TENM2: variants seen among roughly 807,000 people sequenced by gnomAD.
The protein encoded by TENM2 is teneurin-2.
A neutral mutation model predicts 245.2 loss-of-function variants in TENM2; 52 were observed. The observed-to-expected ratio is 0.21, with a 90% CI of 0.17 to 0.27. The LOEUF (loss-of-function observed/expected upper bound fraction) is 0.27. TENM2 is among the 10% of genes least tolerant of loss of function. The probability of loss-of-function intolerance (pLI) is 1.00; values close to 1 mark genes in which losing one functional copy is unlikely to be tolerated. For missense variants in TENM2, 3,046 were observed against 3,666.8 expected (o/e 0.83, Z 4.37); for synonymous variants, 1,363 against 1,438.9 (o/e 0.95, Z 1.19).
At chr5:167,348,209 C>G (rs1758590782) in intron 1 of TENM2, among the ~76,000 whole-genome samples, 1 of 152,146 alleles carries the variant, frequency 6.6e-6, no homozygotes, top group Non-Finnish European at 1.5e-5. Flanking sequence ...CAATCCGAGG[C>G]CAAACTTAAT....
intron 4 of TENM2, among the ~76,000 whole-genome samples, chr5:167,959,081 A>G (rs970547035): frequency 3.3e-5 from 5 of 152,004 alleles, no homozygotes; most frequent in Admixed American, 1.3e-4. Context: ...GTGTTTTCCA[A>G]TTTGGTTCCA....
intron 13 of TENM2, 96 bp downstream of exon 15, chr5:168,162,853 C>T: frequency 2.2e-6 from 3 of 1,391,342 alleles, no homozygotes; most frequent in Non-Finnish European, 3.0e-6. Flanking sequence ...CTCCCCTGCA[C>T]TATTGTCAAA....
chr5:167,470,482 TGGAAG>T (rs1766955977), intron 2 of TENM2, among the ~76,000 whole-genome samples: 1 of 144,892 alleles, frequency 6.9e-6, no homozygotes, highest in African/African-American at 2.6e-5. Context: ...TTTTTGCTTA[TGGAAG>T]GCTATTTTCC....
At chr5:167,560,009 G>A (rs1040149586) in intron 2 of TENM2, among the ~76,000 whole-genome samples, 6 of 151,686 alleles carry the variant, frequency 4.0e-5, no homozygotes, top group Non-Finnish European at 7.4e-5. Context: ...ACTCTGTGGC[G>A]ATGCTTCCTT....
intron 2 of TENM2, among the ~76,000 whole-genome samples, chr5:167,726,441 C>G (rs1760012775): frequency 6.6e-6 from 1 of 152,040 alleles, no homozygotes; most frequent in Non-Finnish European, 1.5e-5. Context: ...CCTTTCCTTA[C>G]CTTCCTTTTT....
the TENM2 span, among the ~76,000 whole-genome samples, chr5:167,006,555 C>T: frequency 1.3e-5 from 2 of 152,172 alleles, no homozygotes; most frequent in East Asian, 3.9e-4. Context: ...ATGCATTTTT[C>T]TAAGCATGGA....
At chr5:167,432,950 C>T (rs927270832) in intron 2 of TENM2, among the ~76,000 whole-genome samples, 5 of 152,012 alleles carry the variant, frequency 3.3e-5, no homozygotes, top group Admixed American at 1.3e-4. Flanking sequence ...AATAAATACA[C>T]GTTATTGCTT....
intron 7 of TENM2, among the ~76,000 whole-genome samples, chr5:168,082,749 C>T (rs760979502): frequency 1.1e-4 from 17 of 152,198 alleles, no homozygotes; most frequent in Non-Finnish European, 4.4e-5. Flanking sequence ...GTATCACCAG[C>T]GGAGGCTGCA....
the TENM2 span, among the ~76,000 whole-genome samples, chr5:167,042,742 A>G: frequency 7.2e-5 from 11 of 152,174 alleles, no homozygotes; most frequent in Non-Finnish European, 1.5e-4. Flanking sequence ...GCTGGAAGCA[A>G]TTTGTTATGC....
intron 1 of TENM2, among the ~76,000 whole-genome samples, chr5:167,292,179 A>G (rs755655535): frequency 2.0e-5 from 3 of 152,316 alleles, no homozygotes; most frequent in East Asian, 1.9e-4. Flanking sequence ...GGGAGCTACA[A>G]TTCAAGATGA....
chr5:167,376,143 C>T (rs1581879933), intron 2 of TENM2, among the ~76,000 whole-genome samples: 1 of 152,082 alleles, frequency 6.6e-6, no homozygotes, highest in African/African-American at 2.4e-5. Flanking sequence ...TAAATCCTTC[C>T]GATCATTAAG....
At chr5:167,789,851 AG>A (rs1010082451) in intron 2 of TENM2, among the ~76,000 whole-genome samples, 1 of 152,208 alleles carries the variant, frequency 6.6e-6, no homozygotes, top group Non-Finnish European at 1.5e-5. Flanking sequence ...CTTCTCTAGC[AG>A]GTTATTATTT....
intron 2 of TENM2, among the ~76,000 whole-genome samples, chr5:167,721,945 G>A (rs2150521205): frequency 6.6e-6 from 1 of 152,226 alleles, no homozygotes; most frequent in South Asian, 2.1e-4. Flanking sequence ...CTTTAGCTTT[G>A]AAGTGAAATT....
intron 12 of TENM2, among the ~76,000 whole-genome samples, chr5:168,148,623 T>C (rs4507512): frequency 0.3 from 46,057 of 151,968 alleles, 7,333 homozygotes; most frequent in African/African-American, 0.34. Flanking sequence ...GGCTTTAGAT[T>C]CATGATAAAG....
At chr5:167,729,745 A>C (rs1760284533) in intron 2 of TENM2, among the ~76,000 whole-genome samples, 1 of 152,132 alleles carries the variant, frequency 6.6e-6, no homozygotes, top group South Asian at 2.1e-4. Flanking sequence ...GGTGTGTCAA[A>C]ATTAGATTTG....
chr5:167,995,905 A>G (rs527688161), intron 5 of TENM2, among the ~76,000 whole-genome samples: 1 of 152,290 alleles, frequency 6.6e-6, no homozygotes, highest in South Asian at 2.1e-4. Flanking sequence ...GAAAGACAAC[A>G]TGAAAACCGA....
At chr5:167,382,607 T>C (rs1761157496) in intron 2 of TENM2, among the ~76,000 whole-genome samples, 1 of 152,128 alleles carries the variant, frequency 6.6e-6, no homozygotes, top group African/African-American at 2.4e-5. Context: ...ACTGAAATAT[T>C]TGAGTAGGCA....
the TENM2 span, among the ~76,000 whole-genome samples, chr5:167,243,988 C>T: frequency 1.3e-5 from 2 of 152,144 alleles, no homozygotes; most frequent in Admixed American, 6.6e-5. Context: ...CCCACACTGT[C>T]TCCTAATCTT....
chr5:167,164,972 T>A, the TENM2 span: 1 of 152,346 alleles, frequency 6.6e-6, no homozygotes, highest in African/African-American at 2.4e-5. Context: ...TATTTGAAAG[T>A]ATAGCATTGT....
Sources: allele counts gnomAD v4.1 joint callset (sites outside exome capture counted in the v4.1 genomes callset), GRCh38; gene constraint gnomAD v4.1.1; transcripts MANE v1.5; gene names NCBI Gene and HGNC (gene_info 2026-07-23, HGNC 2026-07-21).